SYT1: variants seen among roughly 807,000 people sequenced by gnomAD.
SYT1 encodes synaptotagmin-1.
Under a neutral mutation model 44.8 loss-of-function variants are expected in SYT1, and 8 were observed. That is an observed-to-expected ratio of 0.18 (90% CI 0.10 to 0.32). SYT1 has a LOEUF of 0.32. Ranked by LOEUF, SYT1 falls within the 10% of genes least tolerant of loss-of-function variation. The pLI is 1.00. For synonymous variants in SYT1, 154 were observed against 188.8 expected (o/e 0.82, Z 1.51); for missense variants, 286 against 509.3 (o/e 0.56, Z 4.22).
intron 4 of SYT1, among the ~76,000 whole-genome samples, chr12:79,232,734 G>A (rs1337662576): frequency 1.3e-5 from 2 of 151,966 alleles, no homozygotes; most frequent in African/African-American, 4.8e-5. Flanking sequence ...TCATCTTTGT[G>A]TCTCCAGTTC....
rs905505403 is a variant in SYT1, at chr12:79,390,168, T to C, written c.928+36549T>C. 5.9e-5 allele frequency among the ~76,000 whole-genome samples: 9 copies of C among 152,114 alleles called. No individual in the cohort carries two copies. The South Asian group carries it at 1.0e-3, about 18-fold the overall frequency. ...CAGGATGGTCTCGATCTCCTGACCT[T>C]GTGATCCGCCCGCCCCAGCCTCCCA... On this transcript the variant is annotated intron_variant, in intron 9 of 10. Coordinates refer to ENST00000261205, the MANE Select transcript of SYT1 (RefSeq NM_005639.3).
At chr12:79,105,441 A>G in intron 3 of SYT1, among the ~76,000 whole-genome samples, 1 of 152,232 alleles carries the variant, frequency 6.6e-6, no homozygotes, top group East Asian at 1.9e-4. Context: ...ACTAGAGTTA[A>G]GCAGAATATG....
intron 8 of SYT1, among the ~76,000 whole-genome samples, chr12:79,304,148 A>G (rs971026580): frequency 6.6e-6 from 1 of 152,212 alleles, no homozygotes; most frequent in Non-Finnish European, 1.5e-5. Context: ...CTGAAACTCC[A>G]TCCAGGCAGC....
intron 2 of SYT1, among the ~76,000 whole-genome samples, chr12:79,047,031 A>C (rs920512390): frequency 6.6e-6 from 1 of 151,906 alleles, no homozygotes; most frequent in Non-Finnish European, 1.5e-5. Context: ...AAATTAAAAC[A>C]CTATAGAAAG....
chr12:79,259,618 C>T (rs145369237), intron 4 of SYT1, among the ~76,000 whole-genome samples: 1,668 of 152,190 alleles, frequency 0.011, 29 homozygotes, highest in African/African-American at 0.037. Context: ...CCTGTGGTCC[C>T]AGCTACTCAG....
At chr12:79,323,364 C>A (rs564077769) in intron 8 of SYT1, among the ~76,000 whole-genome samples, 2 of 152,204 alleles carry the variant, frequency 1.3e-5, no homozygotes. Flanking sequence ...CCCTTGCTGA[C>A]ATTCCTGGGC....
intron 1 of SYT1, among the ~76,000 whole-genome samples, chr12:78,903,143 G>A (rs997754743): frequency 1.5e-4 from 23 of 151,520 alleles, no homozygotes; most frequent in African/African-American, 7.3e-5. Flanking sequence ...ATAAAAAATC[G>A]TCAAATCTGA....
rs371100907 is a variant in SYT1, at chr12:79,192,044, T to A, written c.-17-25459T>A. Among the ~76,000 whole-genome samples the A allele has an allele frequency of 1.6e-4, 25 of 152,316 alleles. No individual in the cohort carries two copies. In the East Asian group the frequency reaches 1.9e-3, roughly 12 times the overall value. On this transcript the variant is annotated intron_variant, in intron 3 of 10. Coordinates refer to ENST00000261205, the MANE Select transcript of SYT1 (RefSeq NM_005639.3). ...TATAACTTCCCCTTAACTTTAGATGTGTATCATTAGCATTATTCTTGTGTT... is the reference window on the plus strand; with the variant it reads ...TATAACTTCCCCTTAACTTTAGATGAGTATCATTAGCATTATTCTTGTGTT...
chr12:79,254,321 C>T (rs1877393888), intron 4 of SYT1, among the ~76,000 whole-genome samples: 1 of 152,106 alleles, frequency 6.6e-6, no homozygotes, highest in South Asian at 2.1e-4. Context: ...ATAAATGGAA[C>T]AACAAAGCTG....
At chr12:79,198,810 C>T (rs1010646255) in intron 3 of SYT1, among the ~76,000 whole-genome samples, 1 of 152,114 alleles carries the variant, frequency 6.6e-6, no homozygotes, top group Non-Finnish European at 1.5e-5. Context: ...TTCCTTCATT[C>T]CTCTTCCTAA....
At chr12:79,143,808 A>G (rs1215846171) in intron 3 of SYT1, among the ~76,000 whole-genome samples, 2 of 152,168 alleles carry the variant, frequency 1.3e-5, no homozygotes, top group African/African-American at 4.8e-5. Context: ...TATTACAGAT[A>G]CTGATTACAG....
intron 3 of SYT1, among the ~76,000 whole-genome samples, chr12:79,160,047 T>C (rs115382239): frequency 2.4e-4 from 36 of 152,254 alleles, no homozygotes; most frequent in African/African-American, 7.2e-4. Context: ...ATGTTGAGAA[T>C]AAATGGCGGT....
At chr12:79,064,172 A>C (rs1875593844) in intron 3 of SYT1, among the ~76,000 whole-genome samples, 1 of 152,152 alleles carries the variant, frequency 6.6e-6, no homozygotes, top group Admixed American at 6.6e-5. Context: ...AGAAATGAGG[A>C]ATGAAGAAAG....
intron 2 of SYT1, among the ~76,000 whole-genome samples, chr12:79,015,970 T>C (rs1332101425): frequency 6.6e-6 from 1 of 152,148 alleles, no homozygotes; most frequent in African/African-American, 2.4e-5. Flanking sequence ...TAATGAGCCA[T>C]GGTGCCTCCC....
chr12:79,082,713 A>G (rs998575692), intron 3 of SYT1, among the ~76,000 whole-genome samples: 2 of 152,126 alleles, frequency 1.3e-5, no homozygotes, highest in African/African-American at 4.8e-5. Flanking sequence ...CTGCTGAACT[A>G]TTGAAAGAAA....
At chr12:79,365,223 AAAC>A (rs1486284680) in intron 9 of SYT1, among the ~76,000 whole-genome samples, 1 of 152,098 alleles carries the variant, frequency 6.6e-6, no homozygotes, top group Non-Finnish European at 1.5e-5. Context: ...ATGGGATTTT[AAAC>A]ACATTATTCT....
intron 9 of SYT1, among the ~76,000 whole-genome samples, chr12:79,418,141 C>T (rs954100438): frequency 6.6e-6 from 1 of 152,166 alleles, no homozygotes; most frequent in Non-Finnish European, 1.5e-5. Context: ...AGGTCTGTCC[C>T]TGTAATCACT....
intron 5 of SYT1, 128 bp downstream of exon 5, chr12:79,286,099 A>G: frequency 9.7e-7 from 1 of 1,030,814 alleles, no homozygotes. Flanking sequence ...TGCTTTGCAA[A>G]CCTTTCAGTC....
In SYT1 at chr12:79,402,416, A is replaced by G. The variant is rs574407074; in HGVS notation, c.929-41657A>G. On this transcript the variant is annotated intron_variant, in intron 9 of 10. Coordinates refer to ENST00000261205, the MANE Select transcript of SYT1 (RefSeq NM_005639.3). ...TGATAAAATATTTTTCACAGTAGTT[A>G]TCTAGGATTGATCAATTCTGAAGGC... is the stretch of plus-strand genomic sequence containing the variant. Among the ~76,000 whole-genome samples, 79 of 152,326 alleles carry G rather than the reference A, an allele frequency of 5.2e-4. 1 individual carries two copies. In the South Asian group the frequency reaches 0.013, roughly 25 times the overall value.
Sources: allele counts gnomAD v4.1 joint callset (sites outside exome capture counted in the v4.1 genomes callset), GRCh38; gene constraint gnomAD v4.1.1; transcripts MANE v1.5; gene names NCBI Gene and HGNC (gene_info 2026-07-23, HGNC 2026-07-21).